Variants in TNS3 observed in about 807,000 individuals in gnomAD.
TNS3 encodes tensin 3, also known as tensin-3.
TNS3 carries 45 observed loss-of-function variants against 140.9 expected under a neutral mutation model. The observed-to-expected ratio is 0.32, with a 90% CI of 0.25 to 0.41. The LOEUF is 0.41. Ranked by LOEUF, TNS3 falls within the 10% of genes least tolerant of loss-of-function variation. The pLI is 1.00. For missense variants in TNS3, 1,716 were observed against 1,906.7 expected (o/e 0.90, Z 1.86); for synonymous variants, 815 against 788.4 (o/e 1.03, Z -0.56).
At chr7:47,420,669 T>C (rs1794328253) in intron 10 of TNS3, among the ~76,000 whole-genome samples, 1 of 152,224 alleles carries the variant, frequency 6.6e-6, no homozygotes, top group Non-Finnish European at 1.5e-5. Context: ...AACACCACAC[T>C]TGACCTTCAT....
intron 16 of TNS3, among the ~76,000 whole-genome samples, chr7:47,391,822 T>A (rs1460691245): frequency 1.3e-5 from 2 of 152,090 alleles, no homozygotes; most frequent in African/African-American, 4.8e-5. Flanking sequence ...CCCTCTTGTG[T>A]GACGAGGAGG....
At position 47,280,146 on chromosome 7, in the gene TNS3, G is replaced by A. The variant is rs745698257; in HGVS notation, c.4193+18C>T. 1 of 1,613,942 alleles carries A rather than the reference G, an allele frequency of 6.2e-7. No homozygotes were observed. The highest frequency in any genetic ancestry group is 8.5e-7 in the Non-Finnish European group (1 of 1,179,962). The stretch of plus-strand genomic sequence containing the variant: ...ACTGCAGACAAGGAGAGAATGTAAA[G>A]AAATCTCAGCAACTTACTTTGAGGA... On this transcript the variant is annotated intron_variant, in intron 30 of 30. Transcript: ENST00000311160.
intron 1 of TNS3, among the ~76,000 whole-genome samples, chr7:47,529,859 C>T (rs11980394): frequency 6.6e-6 from 1 of 152,142 alleles, no homozygotes; most frequent in African/African-American, 2.4e-5. Flanking sequence ...GATATGTGAC[C>T]GTGTATTCTA....
At chr7:47,375,272 G>A (rs746920155) in intron 16 of TNS3, among the ~76,000 whole-genome samples, 2 of 152,112 alleles carry the variant, frequency 1.3e-5, no homozygotes, top group Non-Finnish European at 2.9e-5. Context: ...CCTTTCCCTT[G>A]CGTTGCCACC....
intron 13 of TNS3, 59 bp downstream of exon 13, chr7:47,411,668 G>C: frequency 6.6e-7 from 1 of 1,510,108 alleles, no homozygotes; most frequent in Non-Finnish European, 9.0e-7. Context: ...ATGATTTCAA[G>C]TCATCACCAC....
chr7:47,487,869 C>T (rs770768583), intron 3 of TNS3, among the ~76,000 whole-genome samples: 3 of 152,246 alleles, frequency 2.0e-5, no homozygotes, highest in South Asian at 2.1e-4. Flanking sequence ...TTCGTGATGG[C>T]GCCAAGATGG....
intron 13 of TNS3, among the ~76,000 whole-genome samples, chr7:47,409,813 T>A (rs144641836): frequency 0.014 from 2,178 of 152,242 alleles, 54 homozygotes; most frequent in African/African-American, 0.05. Flanking sequence ...ACGCGCCACC[T>A]TGCCCAGCTT....
intron 1 of TNS3, among the ~76,000 whole-genome samples, chr7:47,537,170 C>G (rs1799630663): frequency 6.6e-6 from 1 of 152,018 alleles, no homozygotes; most frequent in Non-Finnish European, 1.5e-5. Flanking sequence ...CTGACCCCTC[C>G]CCAGCGGCTA....
At chr7:47,365,350 C>G (rs1790627980) in intron 17 of TNS3, among the ~76,000 whole-genome samples, 2 of 150,046 alleles carry the variant, frequency 1.3e-5, no homozygotes, top group African/African-American at 4.9e-5. Context: ...GAGGCTGAGC[C>G]AAGAGAATCA....
intron 20 of TNS3, among the ~76,000 whole-genome samples, chr7:47,340,872 G>C (rs1160914453): frequency 6.6e-6 from 1 of 152,190 alleles, no homozygotes; most frequent in Non-Finnish European, 1.5e-5. Context: ...GCTGTCAGCT[G>C]TGGGGCTTTT....
chr7:47,454,728 A>G (rs753942349), intron 4 of TNS3, among the ~76,000 whole-genome samples: 1 of 152,124 alleles, frequency 6.6e-6, no homozygotes, highest in Non-Finnish European at 1.5e-5. Context: ...AGTACCCCCA[A>G]TGGGAGTGTC....
chr7:47,369,742 A>G, intron 16 of TNS3, 121 bp from the exon 17 acceptor site: 5 of 1,156,044 alleles, frequency 4.3e-6, no homozygotes, highest in Non-Finnish European at 4.7e-6. Flanking sequence ...GACTTACAAT[A>G]AACAAGGACA....
chr7:47,582,337 A>T (rs980887325), upstream of TNS3: 4 of 430,424 alleles, frequency 9.3e-6, no homozygotes, highest in Non-Finnish European at 1.9e-5. Context: ...CTGGCCGCAG[A>T]GAGGACCTGG....
At chr7:47,581,830 G>T (rs1784541632) in intron 1 of TNS3, among the ~76,000 whole-genome samples, 1 of 150,824 alleles carries the variant, frequency 6.6e-6, no homozygotes, top group South Asian at 2.1e-4. Context: ...TCCCTAACCT[G>T]GGTTCTCCCG....
At chr7:47,482,247 G>A (rs116659474) in intron 3 of TNS3, among the ~76,000 whole-genome samples, 7,502 of 152,246 alleles carry the variant, frequency 0.049, 247 homozygotes, top group Non-Finnish European at 0.068. Context: ...TGGAGTGGGC[G>A]GCGGCGTAAT....
chr7:47,325,086 T>G (rs1562594911), intron 20 of TNS3, among the ~76,000 whole-genome samples: 1 of 152,100 alleles, frequency 6.6e-6, no homozygotes, highest in Non-Finnish European at 1.5e-5. Context: ...TGTGGTTTTG[T>G]GTATCCATTA....
chr7:47,542,641 G>A (rs1799819118), intron 1 of TNS3, among the ~76,000 whole-genome samples: 1 of 152,178 alleles, frequency 6.6e-6, no homozygotes, highest in Non-Finnish European at 1.5e-5. Context: ...ACATTTAAAA[G>A]CACTTTACGG....
intron 16 of TNS3, among the ~76,000 whole-genome samples, chr7:47,380,583 T>C (rs1682386705): frequency 6.6e-6 from 1 of 152,174 alleles, no homozygotes; most frequent in African/African-American, 2.4e-5. Flanking sequence ...TGCTGATTAT[T>C]CCACTCCATA....
At chr7:47,461,589 C>T (rs1159351762) in intron 4 of TNS3, among the ~76,000 whole-genome samples, 2 of 152,166 alleles carry the variant, frequency 1.3e-5, no homozygotes, top group Non-Finnish European at 2.9e-5. Context: ...ACTGCATGCC[C>T]ACTGCATGCC....
Sources: gnomAD v4.1 joint callset for allele counts (sites outside exome capture counted in the v4.1 genomes callset) on GRCh38, gnomAD v4.1.1 for gene constraint, MANE v1.5 for transcripts, NCBI Gene and HGNC (gene_info 2026-07-23, HGNC 2026-07-21) for gene names.